The following NRG4 variants were observed in gnomAD, a reference collection of about 807,000 sequenced individuals.
NRG4 encodes the protein neuregulin 4.
A neutral mutation model predicts 15.0 loss-of-function variants in NRG4; 10 were observed. The observed-to-expected ratio is 0.67, with a 90% CI of 0.41 to 1.13. The LOEUF (loss-of-function observed/expected upper bound fraction) is 1.13. Ranked by LOEUF, NRG4 falls within the 50% of genes most tolerant of loss-of-function variation. The probability of loss-of-function intolerance (pLI) is 0.00; values close to 1 mark genes in which losing one functional copy is unlikely to be tolerated. For synonymous variants in NRG4, 41 were observed against 50.1 expected, an observed-to-expected ratio of 0.82 and a Z score of 0.77; for missense variants, 139 against 140.2, an observed-to-expected ratio of 0.99 and a Z score of 0.04.
At chr15:76,001,665 T>C (rs894149899) in intron 3 of NRG4, among the ~76,000 whole-genome samples, 1 of 152,226 alleles carries the variant, frequency 6.6e-6, no homozygotes, top group African/African-American at 2.4e-5. Flanking sequence ...AAAATACGCA[T>C]TTGTATTTCC....
At chr15:75,984,461 A>G (rs993414310) in intron 3 of NRG4, among the ~76,000 whole-genome samples, 3 of 152,214 alleles carry the variant, frequency 2.0e-5, no homozygotes, top group African/African-American at 7.2e-5. Context: ...ACAACCATAA[A>G]AAAGAATGAG....
At chr15:76,010,890 C>T (rs943841642) in intron 2 of NRG4, among the ~76,000 whole-genome samples, 21 of 152,068 alleles carry the variant, frequency 1.4e-4, no homozygotes, top group African/African-American at 5.1e-4. Flanking sequence ...AAAGAAAACT[C>T]ATCTAACCTG....
At chr15:76,004,982 A>G (rs910183491) in intron 3 of NRG4, among the ~76,000 whole-genome samples, 1 of 152,190 alleles carries the variant, frequency 6.6e-6, no homozygotes, top group Non-Finnish European at 1.5e-5. Flanking sequence ...AAGCCTTACT[A>G]ATAACATAAA....
In NRG4 at chr15:76,027,660, G is replaced by T. The variant is rs1419516340; in HGVS notation, c.-57+8284C>A. ...GTCATCTAGCCAGAAAATCAACAAA[G>T]ACACACTGGATTTAAACTGCACCAT... On this transcript the variant is annotated intron_variant, in intron 5 of 8. Transcript: ENST00000563910. Among the ~76,000 whole-genome samples the T allele has an allele frequency of 2.6e-5, 4 of 152,084 alleles. No homozygotes were observed. In the East Asian group the frequency reaches 7.7e-4, roughly 29 times the overall value.
At chr15:76,057,238 CAA>C (rs2141973067) in intron 1 of NRG4, 1 of 151,662 alleles carries the variant, frequency 6.6e-6, no homozygotes, top group South Asian at 2.1e-4. Context: ...AAAAAAATCA[CAA>C]GTCAACCCCC....
chr15:76,043,943 T>C (rs1007856575), intron 4 of NRG4, among the ~76,000 whole-genome samples: 3 of 151,688 alleles, frequency 2.0e-5, no homozygotes, highest in Non-Finnish European at 2.9e-5. Flanking sequence ...AATAGATACA[T>C]AGACTAATGG....
intron 3 of NRG4, among the ~76,000 whole-genome samples, chr15:75,980,855 A>C (rs2033578573): frequency 6.6e-6 from 1 of 152,214 alleles, no homozygotes; most frequent in Admixed American, 6.5e-5. Context: ...AAAAATGGTA[A>C]AGGTGGGGGA....
In NRG4 at chr15:76,011,267, G is replaced by T. The variant is rs2034799845; in HGVS notation, c.-37C>A. 7.0e-7 allele frequency: 1 copy of T among 1,422,996 alleles called. No individual in the cohort carries two copies. The highest frequency in any genetic ancestry group is 1.8e-5 in the South Asian group (1 of 55,792). The allele number at this position is 1,422,996 out of a possible 1,614,324, so 88.1% of individuals were successfully genotyped here. ...AATAGTTTCATTCTTGGTCAAGAGA[G>T]TAGGGTTGAAAAACAGTACCTAAAA... On this transcript the variant is annotated 5_prime_UTR_variant, in exon 2 of 6. The change creates a premature stop within an existing upstream ORF in the 5' untranslated region. Transcript: ENST00000394907.
intron 4 of NRG4, among the ~76,000 whole-genome samples, chr15:75,958,825 A>G (rs911682316): frequency 6.6e-5 from 10 of 152,224 alleles, no homozygotes; most frequent in African/African-American, 2.4e-4. Context: ...CAGAACAGCT[A>G]TAGCTTAGAA....
At chr15:75,999,406 G>C (rs193138232) in intron 3 of NRG4, among the ~76,000 whole-genome samples, 183 of 152,274 alleles carry the variant, frequency 1.2e-3, no homozygotes, top group African/African-American at 4.2e-3. Context: ...CTTATAAAAA[G>C]GCTAAAGGAA....
At chr15:76,044,652 G>T (rs571949445) in intron 4 of NRG4, among the ~76,000 whole-genome samples, 25 of 149,034 alleles carry the variant, frequency 1.7e-4, no homozygotes, top group Non-Finnish European at 2.8e-4. Context: ...TGGCTAACAC[G>T]GTGAAACCCC....
intron 4 of NRG4, among the ~76,000 whole-genome samples, chr15:76,045,930 G>C (rs1295075760): frequency 1.3e-5 from 2 of 150,928 alleles, no homozygotes; most frequent in African/African-American, 4.9e-5. Flanking sequence ...ATAACTAAGA[G>C]TATAATTGGA....
intron 2 of NRG4, among the ~76,000 whole-genome samples, chr15:76,055,282 CA>C (rs71444953): frequency 1.3e-5 from 2 of 151,754 alleles, no homozygotes; most frequent in African/African-American, 4.8e-5. Flanking sequence ...AGCCCTGTCT[CA>C]AAAAAAATTA....
chr15:75,999,062 A>C (rs1382219137), intron 3 of NRG4, among the ~76,000 whole-genome samples: 1 of 152,230 alleles, frequency 6.6e-6, no homozygotes, highest in African/African-American at 2.4e-5. Flanking sequence ...ACACCAAAGG[A>C]AAACGGAGTC....
chr15:75,975,593 C>A (rs151226816), intron 3 of NRG4, among the ~76,000 whole-genome samples: 9,168 of 152,208 alleles, frequency 0.06, 564 homozygotes, highest in African/African-American at 0.17. Context: ...GATTTTATTT[C>A]TCCTTTGCTT....
intron 1 of NRG4, 118 bp from the exon 2 acceptor site, chr15:76,011,404 AT>A: frequency 2.0e-6 from 1 of 500,166 alleles, no homozygotes; most frequent in Non-Finnish European, 3.1e-6. Context: ...TAATAAAGAC[AT>A]TTATATACTA....
chr15:75,957,102 C>T (rs1225378901), intron 4 of NRG4, among the ~76,000 whole-genome samples: 3 of 152,072 alleles, frequency 2.0e-5, no homozygotes, highest in African/African-American at 4.8e-5. Flanking sequence ...GACCTTAGTA[C>T]ACTTTAAGCT....
At chr15:75,992,862 T>C (rs1330016954) in intron 3 of NRG4, among the ~76,000 whole-genome samples, 2 of 152,184 alleles carry the variant, frequency 1.3e-5, no homozygotes, top group African/African-American at 4.8e-5. Context: ...TTGACAAATA[T>C]TCCATTGTGT....
intron 3 of NRG4, 150 bp downstream of exon 3, chr15:76,009,050 G>C (rs2141907135): frequency 1.7e-6 from 1 of 598,120 alleles, no homozygotes; most frequent in Non-Finnish European, 2.9e-6. Flanking sequence ...TTTTTGTTTT[G>C]TTTTAAAAGG....
Sources: gnomAD v4.1 joint callset for allele counts (sites outside exome capture counted in the v4.1 genomes callset) on GRCh38, gnomAD v4.1.1 for gene constraint, MANE v1.5 for transcripts, NCBI Gene and HGNC (gene_info 2026-07-23, HGNC 2026-07-21) for gene names.